Variants in PPARGC1A observed in about 807,000 individuals in gnomAD.
PPARGC1A encodes PPARG coactivator 1 alpha.
In PPARGC1A, 25 loss-of-function variants were observed where a neutral mutation model predicts 88.7. The observed-to-expected ratio is 0.28, with a 90% CI of 0.21 to 0.39. PPARGC1A has a LOEUF of 0.39. Among genes scored for constraint, PPARGC1A ranks in the 10% least tolerant of loss-of-function variants. The pLI, the probability that PPARGC1A is intolerant of heterozygous loss-of-function variation, is 1.00. For missense variants in PPARGC1A, 880 were observed against 968.7 expected (o/e 0.91, Z 1.22); for synonymous variants, 363 against 355.6 (o/e 1.02, Z -0.24).
At chr4:24,145,709 A>G in the PPARGC1A span, among the ~76,000 whole-genome samples, 1 of 152,246 alleles carries the variant, frequency 6.6e-6, no homozygotes, top group Non-Finnish European at 1.5e-5. Context: ...ATAAACACTC[A>G]GTATGAGACA....
At chr4:24,207,005 T>TA in the PPARGC1A span, among the ~76,000 whole-genome samples, 1 of 152,106 alleles carries the variant, frequency 6.6e-6, no homozygotes, top group East Asian at 1.9e-4. Context: ...CTCAGTTGTT[T>TA]ACTTCCTTTG....
the PPARGC1A span, among the ~76,000 whole-genome samples, chr4:24,360,707 C>T: frequency 1.3e-5 from 2 of 152,096 alleles, no homozygotes; most frequent in African/African-American, 4.8e-5. Context: ...CCTGATTCTG[C>T]CTGAGAGCTC....
the PPARGC1A span, among the ~76,000 whole-genome samples, chr4:24,178,381 T>C: frequency 1.3e-5 from 2 of 152,178 alleles, no homozygotes; most frequent in African/African-American, 4.8e-5. Flanking sequence ...GCGATTGGTA[T>C]TTTTTATTAG....
At chr4:24,328,687 GC>G in the PPARGC1A span, among the ~76,000 whole-genome samples, 1 of 152,108 alleles carries the variant, frequency 6.6e-6, no homozygotes, top group Non-Finnish European at 1.5e-5. Flanking sequence ...GTTTTATTTT[GC>G]AACTTGAGGG....
chr4:24,019,070 T>C, the PPARGC1A span, among the ~76,000 whole-genome samples: 4 of 152,312 alleles, frequency 2.6e-5, no homozygotes, highest in South Asian at 8.3e-4. Context: ...GTGAATACTC[T>C]TCTTCCACTA....
At chr4:23,811,297 T>A (rs1279426155) in intron 10 of PPARGC1A, among the ~76,000 whole-genome samples, 2 of 151,172 alleles carry the variant, frequency 1.3e-5, no homozygotes, top group Non-Finnish European at 2.9e-5. Flanking sequence ...TGAGTTTTTT[T>A]AAAGATAACA....
At chr4:23,838,463 C>T (rs1041765027) in intron 2 of PPARGC1A, among the ~76,000 whole-genome samples, 3 of 152,070 alleles carry the variant, frequency 2.0e-5, no homozygotes, top group African/African-American at 7.2e-5. Context: ...GGTATGGGCA[C>T]TGGACGGTGG....
At chr4:24,221,964 T>A in the PPARGC1A span, among the ~76,000 whole-genome samples, 1 of 152,098 alleles carries the variant, frequency 6.6e-6, no homozygotes, top group Non-Finnish European at 1.5e-5. Context: ...GAATGTTAAT[T>A]TTAGCAAGTC....
At chr4:23,957,070 G>A in the PPARGC1A span, among the ~76,000 whole-genome samples, 1 of 152,066 alleles carries the variant, frequency 6.6e-6, no homozygotes, top group Non-Finnish European at 1.5e-5. Context: ...ACCACTACAA[G>A]ATACTCCTTT....
chr4:24,340,523 A>G, the PPARGC1A span, among the ~76,000 whole-genome samples: 2 of 152,236 alleles, frequency 1.3e-5, no homozygotes, highest in Admixed American at 6.5e-5. Flanking sequence ...TAAACACAGC[A>G]TAAGAGACCA....
upstream of PPARGC1A, among the ~76,000 whole-genome samples, chr4:23,894,203 A>G (rs965934492): frequency 4.1e-4 from 63 of 152,192 alleles, no homozygotes; most frequent in Non-Finnish European, 1.2e-4. Context: ...TGCCTAGAGC[A>G]TTCGTCCAGA....
At chr4:24,419,882 A>C in the PPARGC1A span, among the ~76,000 whole-genome samples, 6 of 152,186 alleles carry the variant, frequency 3.9e-5, no homozygotes, top group African/African-American at 1.4e-4. Flanking sequence ...CAAACTCACA[A>C]ACTAGCACAA....
At chr4:24,015,009 C>T in the PPARGC1A span, among the ~76,000 whole-genome samples, 3 of 152,118 alleles carry the variant, frequency 2.0e-5, no homozygotes, top group Non-Finnish European at 4.4e-5. Context: ...GCAATTCTCA[C>T]TTGACATTCC....
the PPARGC1A span, among the ~76,000 whole-genome samples, chr4:24,391,222 T>C: frequency 1.3e-5 from 2 of 152,142 alleles, no homozygotes; most frequent in African/African-American, 4.8e-5. Flanking sequence ...AAAATTTGAG[T>C]TTGACTTGGC....
intron 2 of PPARGC1A, among the ~76,000 whole-genome samples, chr4:23,850,800 C>T (rs1306682357): frequency 1.3e-5 from 2 of 152,108 alleles, no homozygotes; most frequent in Non-Finnish European, 2.9e-5. Context: ...AGCTAAGTAA[C>T]TCATTAAAGG....
chr4:23,913,213 A>G, the PPARGC1A span, among the ~76,000 whole-genome samples: 1 of 139,592 alleles, frequency 7.2e-6, no homozygotes, highest in African/African-American at 2.6e-5. Context: ...GAATCTCTCA[A>G]TTGGTAGATA....
chr4:24,152,141 G>A, the PPARGC1A span, among the ~76,000 whole-genome samples: 9 of 152,238 alleles, frequency 5.9e-5, no homozygotes, highest in Non-Finnish European at 1.0e-4. Context: ...TTCTTTCTTC[G>A]ATTTAAGCCA....
the PPARGC1A span, among the ~76,000 whole-genome samples, chr4:24,263,432 T>TATGTATACAC: frequency 5.6e-5 from 8 of 141,918 alleles, no homozygotes; most frequent in East Asian, 1.7e-3. Flanking sequence ...AAAAATGACA[T>TATGTATACAC]ATGTATACAC....
chr4:24,156,639 A>G, the PPARGC1A span, among the ~76,000 whole-genome samples: 2 of 152,158 alleles, frequency 1.3e-5, 1 homozygote, highest in South Asian at 4.1e-4. Context: ...AGAACATGAA[A>G]TCATATTTTA....
Sources: allele counts gnomAD v4.1 joint callset (sites outside exome capture counted in the v4.1 genomes callset), GRCh38; gene constraint gnomAD v4.1.1; transcripts MANE v1.5; gene names NCBI Gene and HGNC (gene_info 2026-07-23, HGNC 2026-07-21).